Variants in LARGE1 observed in about 807,000 individuals in gnomAD.
The protein encoded by LARGE1 is LARGE xylosyl- and glucuronyltransferase 1, also known as xylosyl- and glucuronyltransferase LARGE1.
In LARGE1, 43 loss-of-function variants were observed where a neutral mutation model predicts 87.6. The ratio of observed to expected loss-of-function variants is 0.49; its 90% CI spans 0.38 to 0.63. The LOEUF is 0.63. LARGE1 is among the 30% of genes least tolerant of loss of function. The pLI is 0.00. For synonymous variants in LARGE1, 434 were observed against 394.6 expected (o/e 1.10, Z -1.18); for missense variants, 802 against 1,000.2 (o/e 0.80, Z 2.67).
intron 9 of LARGE1, among the ~76,000 whole-genome samples, chr22:33,360,498 A>C (rs1319721677): frequency 6.7e-6 from 1 of 149,430 alleles, no homozygotes; most frequent in African/African-American, 2.5e-5. Context: ...CCAGAGCAGC[A>C]AGAGAAAGAG....
At chr22:33,298,766 G>A (rs1242092893) in intron 12 of LARGE1, among the ~76,000 whole-genome samples, 1 of 152,182 alleles carries the variant, frequency 6.6e-6, no homozygotes, top group Non-Finnish European at 1.5e-5. Context: ...AGGAGTTTGA[G>A]GCTGCAGTAA....
At chr22:33,547,369 G>C (rs2148673629) in intron 6 of LARGE1, among the ~76,000 whole-genome samples, 1 of 152,080 alleles carries the variant, frequency 6.6e-6, no homozygotes, top group East Asian at 1.9e-4. Flanking sequence ...GCTACTATGG[G>C]AATCTAATCC....
intron 6 of LARGE1, among the ~76,000 whole-genome samples, chr22:33,532,268 T>C (rs2072243133): frequency 1.3e-5 from 2 of 152,218 alleles, no homozygotes; most frequent in Non-Finnish European, 2.9e-5. Flanking sequence ...CTAAAACACC[T>C]GTTCTAACCA....
At chr22:33,547,786 T>C (rs1403955248) in intron 6 of LARGE1, among the ~76,000 whole-genome samples, 5 of 85,542 alleles carry the variant, frequency 5.8e-5, no homozygotes, top group Non-Finnish European at 9.9e-5. Context: ...AGAGTGAGAC[T>C]CCATCTCAAA....
chr22:33,187,105 G>C (rs762818196), intron 11 of LARGE1, among the ~76,000 whole-genome samples: 8 of 152,088 alleles, frequency 5.3e-5, no homozygotes, highest in Admixed American at 6.6e-5. Flanking sequence ...ACTAAAATTA[G>C]AACTACCATA....
chr22:33,775,392 G>C (rs670264), intron 1 of LARGE1, among the ~76,000 whole-genome samples: 3 of 152,086 alleles, frequency 2.0e-5, no homozygotes, highest in South Asian at 4.2e-4. Context: ...GCTGCTATGC[G>C]GCCTCACACT....
At chr22:33,815,800 C>T (rs1285935424) in intron 1 of LARGE1, among the ~76,000 whole-genome samples, 3 of 152,140 alleles carry the variant, frequency 2.0e-5, no homozygotes, top group Non-Finnish European at 2.9e-5. Context: ...CTCAGCAGAG[C>T]CCTGTGAGTG....
chr22:33,193,669 T>C (rs1275095157), intron 11 of LARGE1, among the ~76,000 whole-genome samples: 1 of 151,786 alleles, frequency 6.6e-6, no homozygotes, highest in Non-Finnish European at 1.5e-5. Flanking sequence ...AATATAAAAA[T>C]CAGCTAGGTG....
At chr22:33,496,404 C>T (rs1158432487) in intron 6 of LARGE1, among the ~76,000 whole-genome samples, 1 of 152,062 alleles carries the variant, frequency 6.6e-6, no homozygotes, top group African/African-American at 2.4e-5. Flanking sequence ...GGGCGAAGTC[C>T]TCATTAGTGA....
chr22:33,530,975 C>G lies in LARGE1; in HGVS notation c.787+33873G>C, dbSNP rs4821160. On this transcript the variant is annotated intron_variant, in intron 6 of 14. Transcript: ENST00000397394. ...TCTCTACCCAGTCATTCAATGTGGA[C>G]AGGGCACTGATATCTGGTCTCACTC... Among the ~76,000 whole-genome samples, 1,005 of 152,280 alleles carry G rather than the reference C, an allele frequency of 6.6e-3. 47 individuals carry two copies. Among genetic ancestry groups the G allele is most frequent in the Admixed American group, 0.06 (923 of 15,284 alleles).
intron 11 of LARGE1, among the ~76,000 whole-genome samples, chr22:33,250,996 T>A (rs966262026): frequency 1.3e-5 from 2 of 152,182 alleles, no homozygotes; most frequent in Non-Finnish European, 2.9e-5. Context: ...GGTATTAGGG[T>A]CATGCTTGCC....
intron 11 of LARGE1, among the ~76,000 whole-genome samples, chr22:33,226,271 C>T (rs779332466): frequency 1.3e-5 from 2 of 152,244 alleles, no homozygotes; most frequent in Non-Finnish European, 2.9e-5. Context: ...CTCTGCATTG[C>T]CACCAGCCTC....
chr22:33,698,839 C>T (rs2082329222), intron 2 of LARGE1, among the ~76,000 whole-genome samples: 1 of 152,222 alleles, frequency 6.6e-6, no homozygotes, highest in Non-Finnish European at 1.5e-5. Context: ...ACCCTGACTT[C>T]ACTCTAGTGT....
chr22:33,313,787 C>T (rs1935860633), intron 11 of LARGE1, among the ~76,000 whole-genome samples: 1 of 152,202 alleles, frequency 6.6e-6, no homozygotes, highest in Admixed American at 6.5e-5. Flanking sequence ...GATGACATCC[C>T]AGCCCTGGAT....
intron 1 of LARGE1, among the ~76,000 whole-genome samples, chr22:33,767,932 T>C (rs2084954478): frequency 6.6e-6 from 1 of 152,230 alleles, no homozygotes; most frequent in Non-Finnish European, 1.5e-5. Flanking sequence ...ACATTGTCAC[T>C]CGTCTTCAGT....
chr22:33,917,801 C>T (rs1327166950), intron 1 of LARGE1, among the ~76,000 whole-genome samples: 2 of 152,154 alleles, frequency 1.3e-5, no homozygotes, highest in Non-Finnish European at 2.9e-5. Context: ...CACTCAGAAT[C>T]CACTCACTAG....
chr22:33,070,372 GA>G, the LARGE1 span, among the ~76,000 whole-genome samples: 1 of 152,298 alleles, frequency 6.6e-6, no homozygotes, highest in Non-Finnish European at 1.5e-5. Context: ...TCCCTCTGGG[GA>G]TATCAGGCAA....
At chr22:33,890,649 A>C (rs537789667) in intron 1 of LARGE1, among the ~76,000 whole-genome samples, 22 of 152,312 alleles carry the variant, frequency 1.4e-4, no homozygotes, top group African/African-American at 5.3e-4. Flanking sequence ...CAAGGTTTAA[A>C]CTACAACAAG....
chr22:33,741,154 G>A (rs557446135), intron 2 of LARGE1, among the ~76,000 whole-genome samples: 48 of 152,336 alleles, frequency 3.2e-4, no homozygotes, highest in African/African-American at 1.1e-3. Context: ...CTCTGAGCAC[G>A]AAGGCCACAC....
Sources: allele counts gnomAD v4.1 joint callset (sites outside exome capture counted in the v4.1 genomes callset), GRCh38; gene constraint gnomAD v4.1.1; transcripts MANE v1.5; gene names NCBI Gene and HGNC (gene_info 2026-07-23, HGNC 2026-07-21).